Variants in HCN1 observed in about 807,000 individuals in gnomAD.
The protein encoded by HCN1 is hyperpolarization activated cyclic nucleotide gated potassium channel 1.
Under a neutral mutation model 78.9 loss-of-function variants are expected in HCN1, and 13 were observed. The observed-to-expected ratio is 0.16, with a 90% CI of 0.11 to 0.26. The LOEUF is 0.26. Among genes scored for constraint, HCN1 ranks in the 10% least tolerant of loss-of-function variants. The pLI is 1.00. For synonymous variants in HCN1, 552 were observed against 455.5 expected, an observed-to-expected ratio of 1.21 and a Z score of -2.70; for missense variants, 810 against 1,154.3, an observed-to-expected ratio of 0.70 and a Z score of 4.32.
intron 1 of HCN1, among the ~76,000 whole-genome samples, chr5:45,691,658 T>A (rs2112103471): frequency 6.6e-6 from 1 of 152,314 alleles, no homozygotes; most frequent in Admixed American, 6.5e-5. Flanking sequence ...ATACAGAGTG[T>A]GTTCAGCACA....
At chr5:45,549,884 G>A (rs1438344399) in intron 2 of HCN1, among the ~76,000 whole-genome samples, 2 of 152,116 alleles carry the variant, frequency 1.3e-5, no homozygotes, top group Non-Finnish European at 2.9e-5. Context: ...GCAGCCAACA[G>A]ACACATGAAA....
intron 4 of HCN1, among the ~76,000 whole-genome samples, chr5:45,395,584 A>T (rs2112039336): frequency 6.6e-6 from 1 of 152,256 alleles, no homozygotes; most frequent in African/African-American, 2.4e-5. Flanking sequence ...ACTTCTTTGG[A>T]TGTTTTGAAA....
At chr5:45,271,430 ATTC>A (rs1451121522) in intron 6 of HCN1, among the ~76,000 whole-genome samples, 1 of 150,404 alleles carries the variant, frequency 6.6e-6, no homozygotes, top group Non-Finnish European at 1.5e-5. Context: ...TATTTTAGGG[ATTC>A]TTTTTTTGGT....
chr5:45,454,012 G>A (rs936776336), intron 3 of HCN1, among the ~76,000 whole-genome samples: 3 of 152,004 alleles, frequency 2.0e-5, no homozygotes, highest in African/African-American at 7.2e-5. Flanking sequence ...CTATGTAAGC[G>A]GGAACAAAAA....
chr5:45,371,387 A>G (rs1747354006), intron 4 of HCN1, among the ~76,000 whole-genome samples: 1 of 151,890 alleles, frequency 6.6e-6, no homozygotes, highest in Admixed American at 6.6e-5. Context: ...CACCAGCTAG[A>G]CTAATAAAGA....
chr5:45,534,261 G>A (rs1423368660), intron 2 of HCN1, among the ~76,000 whole-genome samples: 1 of 151,316 alleles, frequency 6.6e-6, no homozygotes, highest in African/African-American at 2.4e-5. Context: ...GCCGGGCATG[G>A]TGGCAGGCGC....
intron 6 of HCN1, among the ~76,000 whole-genome samples, chr5:45,292,665 A>G (rs1164725561): frequency 7.2e-5 from 11 of 152,032 alleles, no homozygotes; most frequent in Admixed American, 5.9e-4. Context: ...GAGACTAACA[A>G]AATAATATTA....
At chr5:45,264,137 A>T (rs1744807190) in intron 7 of HCN1, among the ~76,000 whole-genome samples, 1 of 152,208 alleles carries the variant, frequency 6.6e-6, no homozygotes, top group African/African-American at 2.4e-5. Flanking sequence ...GACTGACTTT[A>T]TGATCTTTCC....
At chr5:45,393,944 A>AG (rs943783703) in intron 4 of HCN1, among the ~76,000 whole-genome samples, 5 of 152,290 alleles carry the variant, frequency 3.3e-5, no homozygotes, top group African/African-American at 1.2e-4. Flanking sequence ...TATAGAGATC[A>AG]GGGGGTAAGG....
At chr5:45,594,368 T>C (rs1172478783) in intron 2 of HCN1, among the ~76,000 whole-genome samples, 1 of 152,138 alleles carries the variant, frequency 6.6e-6, no homozygotes, top group African/African-American at 2.4e-5. Flanking sequence ...ATAATAGAAA[T>C]GCTAGTGAAA....
At chr5:45,444,355 G>C (rs1030027870) in intron 3 of HCN1, among the ~76,000 whole-genome samples, 2 of 152,122 alleles carry the variant, frequency 1.3e-5, no homozygotes, top group Non-Finnish European at 2.9e-5. Flanking sequence ...TTTCAAAGAA[G>C]TATCTACTAG....
chr5:45,274,878 C>T (rs975670529), intron 6 of HCN1, among the ~76,000 whole-genome samples: 2 of 152,156 alleles, frequency 1.3e-5, no homozygotes, highest in Non-Finnish European at 2.9e-5. Flanking sequence ...CATTATTGGA[C>T]TTACTTGTTT....
At chr5:45,433,187 T>C (rs1740497421) in intron 3 of HCN1, among the ~76,000 whole-genome samples, 1 of 152,112 alleles carries the variant, frequency 6.6e-6, no homozygotes, top group Non-Finnish European at 1.5e-5. Context: ...TTGAGTACGC[T>C]GAACTACCTT....
At chr5:45,573,342 G>T (rs972781306) in intron 2 of HCN1, among the ~76,000 whole-genome samples, 2 of 152,036 alleles carry the variant, frequency 1.3e-5, no homozygotes, top group Middle Eastern at 3.4e-3. Context: ...GCTGACTAAG[G>T]TATTGTCTCA....
At position 45,458,907 on chromosome 5, in the gene HCN1, A is replaced by T. The variant is rs558820630; in HGVS notation, c.1011+2939T>A. Among the ~76,000 whole-genome samples the T allele has an allele frequency of 1.6e-4, 25 of 152,242 alleles. No individual in the cohort carries two copies. The East Asian group carries it at 4.4e-3, about 27-fold the overall frequency. On this transcript the variant is annotated intron_variant, in intron 3 of 7. Transcript: ENST00000303230. ...ATAAATGCAGGGTGCTTTTGTTCTC[A>T]TATTGGATTTGCACTTCTCCATTAT...
intron 2 of HCN1, among the ~76,000 whole-genome samples, chr5:45,478,495 T>C (rs888674991): frequency 4.6e-5 from 7 of 152,144 alleles, no homozygotes; most frequent in African/African-American, 1.7e-4. Flanking sequence ...CAATACAAAA[T>C]GGGATTATCA....
At chr5:45,416,435 C>T (rs149260635) in intron 3 of HCN1, among the ~76,000 whole-genome samples, 1 of 151,950 alleles carries the variant, frequency 6.6e-6, no homozygotes, top group African/African-American at 2.4e-5. Flanking sequence ...ATATGGAATG[C>T]ATATATGATA....
intron 5 of HCN1, among the ~76,000 whole-genome samples, chr5:45,341,382 C>T (rs553093208): frequency 6.6e-6 from 1 of 152,328 alleles, no homozygotes; most frequent in South Asian, 2.1e-4. Flanking sequence ...AGCAAACTTT[C>T]CACTCCATTA....
At chr5:45,292,372 T>C (rs754518384) in intron 6 of HCN1, among the ~76,000 whole-genome samples, 34 of 152,050 alleles carry the variant, frequency 2.2e-4, no homozygotes, top group Non-Finnish European at 3.8e-4. Flanking sequence ...AATGCTCAAC[T>C]GCTATATATT....
Sources: gnomAD v4.1 joint callset for allele counts (sites outside exome capture counted in the v4.1 genomes callset) on GRCh38, gnomAD v4.1.1 for gene constraint, MANE v1.5 for transcripts, NCBI Gene and HGNC (gene_info 2026-07-23, HGNC 2026-07-21) for gene names.